NKAIN2: variants seen among roughly 807,000 people sequenced by gnomAD.
NKAIN2 encodes sodium/potassium-transporting ATPase subunit beta-1-interacting protein 2.
NKAIN2 carries 14 observed loss-of-function variants against 32.6 expected under a neutral mutation model. The observed-to-expected ratio is 0.43, with a 90% CI of 0.28 to 0.67. The LOEUF is 0.67. NKAIN2 is among the 30% of genes least tolerant of loss of function. The pLI, the probability that NKAIN2 is intolerant of heterozygous loss-of-function variation, is 0.17. For missense variants in NKAIN2, 198 were observed against 258.3 expected (o/e 0.77, Z 1.60); for synonymous variants, 80 against 87.2 (o/e 0.92, Z 0.46).
chr6:124,058,458 C>T (rs868564425), intron 1 of NKAIN2, among the ~76,000 whole-genome samples: 2 of 151,978 alleles, frequency 1.3e-5, no homozygotes, highest in East Asian at 1.9e-4. Flanking sequence ...TGGACAAGTT[C>T]CTGACACTCT....
At position 123,879,486 on chromosome 6, in the gene NKAIN2, T is replaced by C. The variant is rs533111920; in HGVS notation, c.54+75232T>C. ...ATATCAATTCTCATTGCTCATGTAA[T>C]ATTCTTGAAATTAGTGCTCCAGGTT... On this transcript the variant is annotated intron_variant, in intron 1 of 6. Coordinates refer to ENST00000368417, the MANE Select transcript of NKAIN2 (RefSeq NM_001040214.3). Among the ~76,000 whole-genome samples, 236 of 152,314 alleles carry C rather than the reference T, an allele frequency of 1.5e-3. 2 individuals are homozygous for C. The highest frequency in any genetic ancestry group is 5.6e-3 in the African/African-American group (232 of 41,562).
intron 2 of NKAIN2, among the ~76,000 whole-genome samples, chr6:124,305,226 T>G: frequency 6.6e-6 from 1 of 152,172 alleles, no homozygotes; most frequent in South Asian, 2.1e-4. Flanking sequence ...TGATTGGAAC[T>G]GAGCTTTAAG....
At chr6:124,803,993 G>A (rs925930343) in intron 5 of NKAIN2, among the ~76,000 whole-genome samples, 1 of 152,118 alleles carries the variant, frequency 6.6e-6, no homozygotes, top group South Asian at 2.1e-4. Context: ...GAAATTGCTT[G>A]ATTATCCTCA....
chr6:124,436,137 G>C (rs1775433155), intron 3 of NKAIN2, among the ~76,000 whole-genome samples: 2 of 152,052 alleles, frequency 1.3e-5, no homozygotes, highest in Middle Eastern at 3.2e-3. Context: ...TGCCTTAAAG[G>C]CTTCTATTTG....
intron 3 of NKAIN2, among the ~76,000 whole-genome samples, chr6:124,621,526 A>C (rs1783106009): frequency 1.3e-5 from 2 of 152,084 alleles, no homozygotes; most frequent in Non-Finnish European, 2.9e-5. Flanking sequence ...CTCACATTCA[A>C]ATCCATAAAA....
At position 123,803,931 on chromosome 6, in the gene NKAIN2, T is replaced by C. The variant is rs1230090606; in HGVS notation, c.-270T>C. Among the ~76,000 whole-genome samples the C allele has an allele frequency of 6.7e-6, 1 of 149,712 alleles. No individual in the cohort carries two copies. Among genetic ancestry groups the C allele is most frequent in the African/African-American group, 2.4e-5 (1 of 41,054 alleles). ...TGCCCCTGCGGGCCCCGAGCGCGCC[T>C]CCGCAGGCGGCACTGCCCGCGGCGC... is the stretch of plus-strand genomic sequence containing the variant. On this transcript the variant is annotated 5_prime_UTR_variant, in exon 1 of 7. Coordinates refer to ENST00000368417, the MANE Select transcript of NKAIN2 (RefSeq NM_001040214.3).
intron 1 of NKAIN2, among the ~76,000 whole-genome samples, chr6:124,246,316 G>A (rs1793393869): frequency 6.6e-6 from 1 of 151,942 alleles, no homozygotes; most frequent in South Asian, 2.1e-4. Context: ...ATTGTCTATT[G>A]CATATATCAT....
intron 2 of NKAIN2, among the ~76,000 whole-genome samples, chr6:124,329,131 T>C (rs1797548472): frequency 6.6e-6 from 1 of 152,184 alleles, no homozygotes; most frequent in South Asian, 2.1e-4. Flanking sequence ...ATCTAGCACC[T>C]CTACCAGTCT....
At chr6:124,183,460 A>G (rs1197401864) in intron 1 of NKAIN2, among the ~76,000 whole-genome samples, 1 of 152,078 alleles carries the variant, frequency 6.6e-6, no homozygotes, top group African/African-American at 2.4e-5. Flanking sequence ...GAGCATGTTA[A>G]TTACATTTGA....
At chr6:124,011,562 C>T (rs1780328300) in intron 1 of NKAIN2, among the ~76,000 whole-genome samples, 1 of 152,126 alleles carries the variant, frequency 6.6e-6, no homozygotes, top group South Asian at 2.1e-4. Context: ...TGGTTAATGG[C>T]ATCATCATAT....
chr6:124,539,781 C>T (rs910865951), intron 3 of NKAIN2, among the ~76,000 whole-genome samples: 2 of 152,076 alleles, frequency 1.3e-5, no homozygotes, highest in Middle Eastern at 3.2e-3. Context: ...AGTGCAGTGG[C>T]GTGATCTCGT....
chr6:124,035,751 C>T (rs1781582062), intron 1 of NKAIN2, among the ~76,000 whole-genome samples: 4 of 152,060 alleles, frequency 2.6e-5, no homozygotes, highest in Admixed American at 2.6e-4. Flanking sequence ...CAAACCCTGC[C>T]GTGTTTCAAA....
chr6:124,510,623 G>A (rs189226305), intron 3 of NKAIN2, among the ~76,000 whole-genome samples: 9 of 152,258 alleles, frequency 5.9e-5, no homozygotes, highest in East Asian at 5.8e-4. Flanking sequence ...ACAGTTAGGC[G>A]TTTAACTTGA....
intron 3 of NKAIN2, among the ~76,000 whole-genome samples, chr6:124,355,734 A>G (rs1347786341): frequency 6.6e-6 from 1 of 152,186 alleles, no homozygotes; most frequent in Non-Finnish European, 1.5e-5. Context: ...TAACAGTGCA[A>G]TAATTGAAAC....
chr6:124,659,873 A>T (rs544411266), intron 4 of NKAIN2, among the ~76,000 whole-genome samples: 1 of 152,276 alleles, frequency 6.6e-6, no homozygotes, highest in Non-Finnish European at 1.5e-5. Context: ...TGATGTCCAG[A>T]ACATTTGAAT....
chr6:124,169,147 A>G (rs1267864074), intron 1 of NKAIN2, among the ~76,000 whole-genome samples: 2 of 152,148 alleles, frequency 1.3e-5, no homozygotes, highest in Non-Finnish European at 2.9e-5. Context: ...ATTATCCAGT[A>G]TAGCACTGTG....
At chr6:124,013,708 G>A (rs1013581778) in intron 1 of NKAIN2, among the ~76,000 whole-genome samples, 35 of 152,140 alleles carry the variant, frequency 2.3e-4, no homozygotes, top group Non-Finnish European at 5.9e-5. Context: ...TAAACATGAG[G>A]GGGAAAGATT....
intron 1 of NKAIN2, among the ~76,000 whole-genome samples, chr6:124,273,556 T>C (rs528537059): frequency 1.3e-5 from 2 of 152,306 alleles, no homozygotes; most frequent in South Asian, 4.1e-4. Context: ...TTAGCATATA[T>C]CATAGTGTAA....
At chr6:124,558,274 T>C (rs1018245574) in intron 3 of NKAIN2, among the ~76,000 whole-genome samples, 9 of 152,228 alleles carry the variant, frequency 5.9e-5, no homozygotes, top group Non-Finnish European at 1.2e-4. Context: ...ATTCAGGACA[T>C]CATGGGCATC....
Sources: allele counts gnomAD v4.1 joint callset (sites outside exome capture counted in the v4.1 genomes callset), GRCh38; gene constraint gnomAD v4.1.1; transcripts MANE v1.5; gene names NCBI Gene and HGNC (gene_info 2026-07-23, HGNC 2026-07-21).